The following SLC1A6 variants were observed in gnomAD, a reference collection of about 807,000 sequenced individuals.
The protein encoded by SLC1A6 is solute carrier family 1 member 6, also known as excitatory amino acid transporter 4.
A neutral mutation model predicts 42.1 loss-of-function variants in SLC1A6; 15 were observed. That is an observed-to-expected ratio of 0.36 (90% CI 0.24 to 0.55). The LOEUF (loss-of-function observed/expected upper bound fraction) is 0.55. Among genes scored for constraint, SLC1A6 ranks in the 20% least tolerant of loss-of-function variants. SLC1A6 has a pLI of 0.88. For synonymous variants in SLC1A6, 317 were observed against 319.7 expected (o/e 0.99, Z 0.09); for missense variants, 542 against 772.5 (o/e 0.70, Z 3.54).
chr19:15,009,998 C>T (rs1053718046), intron 1 of SLC1A6, among the ~76,000 whole-genome samples: 27 of 134,592 alleles, frequency 2.0e-4, no homozygotes, highest in African/African-American at 4.9e-4. Flanking sequence ...GCCAACATGG[C>T]GAAACCCCGT....
Position 14,962,352 on chromosome 19 carries a change from T to G in SLC1A6, c.592-7A>C, listed in dbSNP as rs767264344. On this transcript the variant is annotated splice_region_variant and splice_polypyrimidine_tract_variant and intron_variant, in intron 5 of 9. Transcript: ENST00000594383. ...TGCTGTACTGCGTCTTGAACTGAAATAGAGAGAGATTGCGCCCAGATTCAA... is the reference window on the plus strand; with the variant it reads ...TGCTGTACTGCGTCTTGAACTGAAAGAGAGAGAGATTGCGCCCAGATTCAA... 1.9e-6 allele frequency: 3 copies of G among 1,601,162 alleles called. No individual in the cohort carries two copies. The East Asian group carries it at 6.7e-5, about 36-fold the overall frequency.
At chr19:14,966,631 C>T (rs917539658) in intron 4 of SLC1A6, among the ~76,000 whole-genome samples, 3 of 152,204 alleles carry the variant, frequency 2.0e-5, no homozygotes, top group East Asian at 3.9e-4. Flanking sequence ...GACCCAAATG[C>T]CCATCAGTGA....
At chr19:14,988,924 T>G (rs974566987) in intron 1 of SLC1A6, among the ~76,000 whole-genome samples, 1 of 151,838 alleles carries the variant, frequency 6.6e-6, no homozygotes, top group Non-Finnish European at 1.5e-5. Context: ...GAGGCAGAGG[T>G]GGGAGGATCA....
chr19:14,961,903 G>T (rs957144281), intron 6 of SLC1A6, 99 bp downstream of exon 6: 1 of 1,497,282 alleles, frequency 6.7e-7, no homozygotes. Flanking sequence ...ATACGTAAAT[G>T]AATGACCAAA....
At chr19:14,995,145 C>T (rs1375672479) in intron 1 of SLC1A6, among the ~76,000 whole-genome samples, 3 of 151,474 alleles carry the variant, frequency 2.0e-5, no homozygotes, top group South Asian at 2.1e-4. Flanking sequence ...GCCAATATGG[C>T]GAAACTCCGT....
intron 1 of SLC1A6, among the ~76,000 whole-genome samples, chr19:14,975,767 G>GA (rs113839284): frequency 8.2e-4 from 107 of 130,058 alleles, no homozygotes; most frequent in Non-Finnish European, 1.4e-3. Context: ...AAAAAAAAAG[G>GA]AAAAAAAAAA....
chr19:14,958,933 A>C (rs1445074185), intron 6 of SLC1A6, among the ~76,000 whole-genome samples: 2 of 152,184 alleles, frequency 1.3e-5, no homozygotes, highest in Non-Finnish European at 2.9e-5. Context: ...AGTTCCTTAT[A>C]TGAAGAAAGT....
At chr19:14,957,791 G>A (rs1213192300) in intron 6 of SLC1A6, among the ~76,000 whole-genome samples, 3 of 152,176 alleles carry the variant, frequency 2.0e-5, no homozygotes, top group African/African-American at 7.2e-5. Flanking sequence ...TGAGCAGATG[G>A]TCAGAGAGGG....
chr19:14,970,568 G>A (rs904027976), intron 3 of SLC1A6, among the ~76,000 whole-genome samples: 5 of 151,898 alleles, frequency 3.3e-5, no homozygotes, highest in Non-Finnish European at 7.4e-5. Flanking sequence ...AAAATTAGCC[G>A]GGCATGGTGG....
At chr19:14,996,427 T>A (rs12462793) in intron 1 of SLC1A6, among the ~76,000 whole-genome samples, 10 of 151,824 alleles carry the variant, frequency 6.6e-5, no homozygotes, top group Admixed American at 2.0e-4. Flanking sequence ...CTTAGAAATA[T>A]ATACATTAGA....
At chr19:14,972,574 TGACTGGTGG>T (rs1451119582) in intron 2 of SLC1A6, 123 bp downstream of exon 2, 2 of 694,474 alleles carry the variant, frequency 2.9e-6, no homozygotes, top group Non-Finnish European at 5.0e-6. Context: ...GGGTTGAGGG[TGACTGGTGG>T]GACTGGGACG....
intron 5 of SLC1A6, among the ~76,000 whole-genome samples, chr19:14,963,511 T>C (rs1334700714): frequency 2.0e-5 from 3 of 152,238 alleles, no homozygotes; most frequent in Non-Finnish European, 2.9e-5. Context: ...ATAAGCTTGA[T>C]TGAGCCACTC....
At chr19:14,953,829 TC>T (rs1340069589) in intron 8 of SLC1A6, among the ~76,000 whole-genome samples, 2 of 152,028 alleles carry the variant, frequency 1.3e-5, no homozygotes, top group Non-Finnish European at 2.9e-5. Flanking sequence ...AATATAAGAA[TC>T]TATATACAAG....
At chr19:14,986,730 A>G (rs2145228760) in intron 1 of SLC1A6, among the ~76,000 whole-genome samples, 1 of 151,928 alleles carries the variant, frequency 6.6e-6, no homozygotes, top group Middle Eastern at 3.4e-3. Context: ...AGCTGGGAAT[A>G]CAGGTGTGCG....
At chr19:14,951,317 T>G (rs2045411355) in intron 9 of SLC1A6, among the ~76,000 whole-genome samples, 2 of 148,232 alleles carry the variant, frequency 1.3e-5, no homozygotes. Context: ...TGCAGACGAT[T>G]AAGGGTTATG....
At chr19:14,970,434 G>A (rs534106640) in intron 3 of SLC1A6, among the ~76,000 whole-genome samples, 7 of 152,214 alleles carry the variant, frequency 4.6e-5, no homozygotes, top group African/African-American at 7.2e-5. Context: ...TATAATGGCC[G>A]GGCGGGGTGG....
chr19:14,967,927 G>A (rs772993845), intron 4 of SLC1A6, among the ~76,000 whole-genome samples: 21 of 152,078 alleles, frequency 1.4e-4, no homozygotes, highest in African/African-American at 3.4e-4. Flanking sequence ...GGGTACCTTC[G>A]TGTCCTGAAA....
chr19:14,981,741 A>C (rs2045769132), upstream of SLC1A6, among the ~76,000 whole-genome samples: 1 of 152,246 alleles, frequency 6.6e-6, no homozygotes, highest in South Asian at 2.1e-4. Flanking sequence ...CACCCGTAAC[A>C]ATCAGGGAGG....
chr19:14,981,204 G>T (rs185759331), upstream of SLC1A6, among the ~76,000 whole-genome samples: 91 of 151,992 alleles, frequency 6.0e-4, no homozygotes, highest in Admixed American at 1.6e-3. Context: ...GAGGCAGGAG[G>T]GTCACTTGAG....
Sources: gnomAD v4.1 joint callset for allele counts (sites outside exome capture counted in the v4.1 genomes callset) on GRCh38, gnomAD v4.1.1 for gene constraint, MANE v1.5 for transcripts, NCBI Gene and HGNC (gene_info 2026-07-23, HGNC 2026-07-21) for gene names.